The following AFG1L variants were observed in gnomAD, a reference collection of about 807,000 sequenced individuals.
The protein encoded by AFG1L is AFG1-like ATPase.
In AFG1L, 53 loss-of-function variants were observed where a neutral mutation model predicts 62.2. The observed-to-expected ratio is 0.85, with a 90% CI of 0.68 to 1.07. The LOEUF (loss-of-function observed/expected upper bound fraction) is 1.07, where lower values mean the gene tolerates loss of function less well. Among genes scored for constraint, AFG1L ranks in the 50% least tolerant of loss-of-function variants. The probability of loss-of-function intolerance (pLI) is 0.00; values close to 1 mark genes in which losing one functional copy is unlikely to be tolerated. For missense variants in AFG1L, 555 were observed against 590.5 expected (o/e 0.94, Z 0.62); for synonymous variants, 228 against 210.3 (o/e 1.08, Z -0.73).
intron 7 of AFG1L, among the ~76,000 whole-genome samples, chr6:108,404,711 A>T (rs1781774738): frequency 6.6e-6 from 1 of 151,968 alleles, no homozygotes; most frequent in African/African-American, 2.4e-5. Context: ...ATACAGATTT[A>T]TAATAATTAT....
At chr6:108,375,408 C>T (rs911232024) in intron 6 of AFG1L, among the ~76,000 whole-genome samples, 1 of 152,106 alleles carries the variant, frequency 6.6e-6, no homozygotes, top group Non-Finnish European at 1.5e-5. Context: ...TTCCAGTTCT[C>T]AAAGGGAATG....
intron 3 of AFG1L, among the ~76,000 whole-genome samples, chr6:108,353,740 AT>A (rs1230804192): frequency 6.6e-6 from 1 of 152,194 alleles, no homozygotes; most frequent in Non-Finnish European, 1.5e-5. Flanking sequence ...TTGAAACTTT[AT>A]TAACTTTTCT....
chr6:108,348,798 T>C (rs1035023043), intron 3 of AFG1L, among the ~76,000 whole-genome samples: 2 of 152,220 alleles, frequency 1.3e-5, no homozygotes, highest in Non-Finnish European at 2.9e-5. Flanking sequence ...TTCACTTTCA[T>C]ATTAAGTCAT....
At chr6:108,452,391 C>G (rs1011331630) in intron 8 of AFG1L, among the ~76,000 whole-genome samples, 1 of 152,172 alleles carries the variant, frequency 6.6e-6, no homozygotes, top group Admixed American at 6.5e-5. Flanking sequence ...CCTGGACTCA[C>G]ACTTGCTGTC....
chr6:108,343,959 G>A (rs1554186570), intron 2 of AFG1L, among the ~76,000 whole-genome samples: 1 of 152,174 alleles, frequency 6.6e-6, no homozygotes, highest in African/African-American at 2.4e-5. Context: ...AGGTTTCTGA[G>A]GCAGGTTGGA....
At chr6:108,427,517 ATTTT>A (rs34500468) in intron 7 of AFG1L, among the ~76,000 whole-genome samples, 29 of 100,232 alleles carry the variant, frequency 2.9e-4, no homozygotes, top group African/African-American at 1.2e-3. Flanking sequence ...TCAAAATGGA[ATTTT>A]TTTTTTTTTT....
chr6:108,364,220 G>A (rs770879785), intron 5 of AFG1L, among the ~76,000 whole-genome samples: 3 of 152,128 alleles, frequency 2.0e-5, no homozygotes, highest in African/African-American at 4.8e-5. Flanking sequence ...ACCGTTCCCC[G>A]GCAAGGCCGA....
At position 108,510,326 on chromosome 6, in the gene AFG1L, C is replaced by A. The variant is rs367614470; in HGVS notation, c.1177C>A (p.Leu393Ile). ...NRTQGRRFIT[L>I]IDNFYDLKVR... ...GACTCAAGGTCGAAGATTCATAACT[C>A]TCATCGATAACTTTTATGATCTCAA... Residue 393 changes from leucine to isoleucine, a missense_variant, in exon 11 of 13, where the codon CTC becomes ATC. Physicochemically the swap from Leu to Ile is conservative, Grantham distance 5. Transcript: ENST00000368977. 1.2e-6 allele frequency: 2 copies of A among 1,610,722 alleles called. No homozygotes were observed. The highest frequency in any genetic ancestry group is 1.7e-6 in the Non-Finnish European group (2 of 1,178,930).
chr6:108,486,034 T>C (rs891806786), intron 10 of AFG1L, among the ~76,000 whole-genome samples: 2 of 152,062 alleles, frequency 1.3e-5, no homozygotes, highest in East Asian at 3.9e-4. Flanking sequence ...TCATTTGACT[T>C]TTAGTAGTAA....
At chr6:108,439,373 G>C (rs1328316886) in intron 7 of AFG1L, among the ~76,000 whole-genome samples, 2 of 152,176 alleles carry the variant, frequency 1.3e-5, no homozygotes, top group Non-Finnish European at 2.9e-5. Context: ...GAGGGGACTT[G>C]TTAAACCATA....
chr6:108,485,673 T>A (rs1168470409), intron 10 of AFG1L, among the ~76,000 whole-genome samples: 1 of 94,300 alleles, frequency 1.1e-5, no homozygotes, highest in Non-Finnish European at 2.1e-5. Flanking sequence ...TTTTTTTTTT[T>A]TTTTTTTTTT....
intron 1 of AFG1L, among the ~76,000 whole-genome samples, chr6:108,311,800 T>C (rs1777423125): frequency 6.6e-6 from 1 of 152,196 alleles, no homozygotes; most frequent in South Asian, 2.1e-4. Context: ...AAACTCTCCA[T>C]TTTATACTTT....
chr6:108,494,756 T>A (rs1664905859), intron 10 of AFG1L, among the ~76,000 whole-genome samples: 1 of 151,962 alleles, frequency 6.6e-6, no homozygotes, highest in Non-Finnish European at 1.5e-5. Context: ...TGCTTTTCTT[T>A]CTTTTTTTCT....
At position 108,402,032 on chromosome 6, in the gene AFG1L, T is replaced by C; in HGVS notation, c.785T>C (p.Val262Ala). ...AATGGACTCCAAAGAGCTAACTTTGTACCATTCATAGCAGTCTTGAAGGTA... is the reference window on the plus strand; with the variant it reads ...AATGGACTCCAAAGAGCTAACTTTGCACCATTCATAGCAGTCTTGAAGGTA... ...YKNGLQRANF[V>A]PFIAVLKEYC... The change falls in exon 7 of 13, where the codon GTA becomes GCA. Residue 262 changes from valine (V) to alanine (A), a missense_variant. By Grantham distance (64) the Val-to-Ala change is moderately conservative (BLOSUM62 0). Transcript: ENST00000368977. 6.6e-7 allele frequency: 1 copy of C among 1,517,282 alleles called. No homozygotes were observed. The highest frequency in any genetic ancestry group is 8.9e-7 in the Non-Finnish European group (1 of 1,125,616). 94.0% of individuals were successfully genotyped at this position (1,517,282 alleles called of 1,614,324 possible). A position where few individuals can be genotyped will look rare whatever the true frequency, so the allele number is the denominator to read the frequency against.
chr6:108,515,996 G>C (rs944343227), intron 11 of AFG1L, among the ~76,000 whole-genome samples: 7 of 151,664 alleles, frequency 4.6e-5, no homozygotes, highest in Non-Finnish European at 8.8e-5. Flanking sequence ...CTCTGAAATT[G>C]AGGCAATAAT....
intron 7 of AFG1L, among the ~76,000 whole-genome samples, chr6:108,403,983 G>C (rs1226814415): frequency 6.6e-6 from 1 of 152,060 alleles, no homozygotes; most frequent in Non-Finnish European, 1.5e-5. Context: ...TACCAGATTA[G>C]ATGAGAAAAG....
intron 7 of AFG1L, among the ~76,000 whole-genome samples, chr6:108,402,497 T>C (rs1781678479): frequency 2.0e-5 from 3 of 147,550 alleles, no homozygotes; most frequent in Admixed American, 2.0e-4. Context: ...AAAAGGAGAC[T>C]TGCCAGGGCA....
intron 2 of AFG1L, among the ~76,000 whole-genome samples, chr6:108,336,507 A>G (rs1004143323): frequency 2.0e-5 from 3 of 152,210 alleles, no homozygotes; most frequent in South Asian, 2.1e-4. Context: ...TTTTAATATC[A>G]TAGGGAACAA....
At chr6:108,384,947 G>A (rs1417361921) in intron 6 of AFG1L, among the ~76,000 whole-genome samples, 2 of 152,100 alleles carry the variant, frequency 1.3e-5, no homozygotes, top group Non-Finnish European at 2.9e-5. Context: ...AACTGTGCAA[G>A]CTTCTAACAT....
Sources: gnomAD v4.1 joint callset for allele counts (sites outside exome capture counted in the v4.1 genomes callset) on GRCh38, gnomAD v4.1.1 for gene constraint, MANE v1.5 for transcripts, NCBI Gene and HGNC (gene_info 2026-07-23, HGNC 2026-07-21) for gene names.